Variants in SLC4A5 observed in about 807,000 individuals in gnomAD.
SLC4A5 encodes the protein electrogenic sodium bicarbonate cotransporter 4.
SLC4A5 carries 96 observed loss-of-function variants against 120.4 expected under a neutral mutation model. The observed-to-expected ratio is 0.80, with a 90% CI of 0.68 to 0.94. SLC4A5 has a LOEUF of 0.94. Ranked by LOEUF, SLC4A5 falls within the 40% of genes least tolerant of loss-of-function variation. The pLI, the probability that SLC4A5 is intolerant of heterozygous loss-of-function variation, is 0.00. For synonymous variants in SLC4A5, 550 were observed against 571.1 expected, an observed-to-expected ratio of 0.96 and a Z score of 0.53; for missense variants, 1,259 against 1,459.5, an observed-to-expected ratio of 0.86 and a Z score of 2.24.
intron 28 of SLC4A5, among the ~76,000 whole-genome samples, chr2:74,224,350 C>A (rs1384080097): frequency 6.6e-6 from 1 of 152,124 alleles, no homozygotes; most frequent in East Asian, 1.9e-4. Flanking sequence ...TGCCTCTTTC[C>A]CCATCTTTGT....
In SLC4A5 at chr2:74,235,589, C is replaced by T. The variant is rs541533913; in HGVS notation, c.2320-375G>A. Among the ~76,000 whole-genome samples, 3 of 152,302 alleles carry T rather than the reference C, an allele frequency of 2.0e-5. No individual in the cohort carries two copies. The East Asian group carries it at 5.8e-4, about 29-fold the overall frequency. On this transcript the variant is annotated intron_variant, in intron 21 of 30. Coordinates refer to ENST00000394019, the Ensembl canonical transcript of SLC4A5. The stretch of plus-strand genomic sequence containing the variant: ...GTATGACAGTCTGAACTGGGGCACC[C>T]AGCAGGTATGATGAGGGCAAGGGCT...
chr2:74,253,189 C>G, intron 14 of SLC4A5, 61 bp from the exon 15 acceptor site: 2 of 1,587,480 alleles, frequency 1.3e-6, no homozygotes, highest in Non-Finnish European at 1.7e-6. Flanking sequence ...TGCCTGGGAG[C>G]ATATCACATC....
chr2:74,222,798 T>A (rs1694698144), intron 29 of SLC4A5, 70 bp downstream of exon 29: 1 of 1,360,992 alleles, frequency 7.3e-7, no homozygotes, highest in Admixed American at 1.7e-5. Context: ...GAGTTACAGA[T>A]GAAAGTTCCT....
rs757970083 is a variant in SLC4A5, at chr2:74,285,949, G to A, written c.272-47C>T. 2.6e-6 allele frequency: 4 copies of A among 1,526,252 alleles called. No homozygotes were observed. In the South Asian group the frequency reaches 3.7e-5, roughly 14 times the overall value. The allele number at this position is 1,526,252 out of a possible 1,614,324, so 94.5% of individuals were successfully genotyped here. A position where few individuals can be genotyped will look rare whatever the true frequency, so the allele number is the denominator to read the frequency against. On this transcript the variant is annotated intron_variant, in intron 7 of 30. Transcript: ENST00000394019. ...TCTGCTGAGTGTCCCATGGAAGGCA[G>A]GAGGACCACAAGGCCAACAGAAATG...
chr2:74,245,348 A>G (rs557848815), intron 19 of SLC4A5, among the ~76,000 whole-genome samples: 8 of 152,098 alleles, frequency 5.3e-5, no homozygotes, highest in African/African-American at 1.9e-4. Context: ...AAATAAACAG[A>G]ATTTGGATTT....
At chr2:74,247,561 C>A (rs2103973950) in intron 18 of SLC4A5, among the ~76,000 whole-genome samples, 1 of 151,630 alleles carries the variant, frequency 6.6e-6, no homozygotes, top group Admixed American at 6.6e-5. Flanking sequence ...GTCACCCAGT[C>A]TGGACTGCAA....
At chr2:74,256,294 T>C (rs1670962874) in intron 12 of SLC4A5, among the ~76,000 whole-genome samples, 1 of 152,210 alleles carries the variant, frequency 6.6e-6, no homozygotes, top group African/African-American at 2.4e-5. Flanking sequence ...GATGGGAGTC[T>C]CAGTGCTTCT....
intron 5 of SLC4A5, among the ~76,000 whole-genome samples, chr2:74,322,465 G>A (rs1573103245): frequency 6.6e-6 from 1 of 152,132 alleles, no homozygotes; most frequent in African/African-American, 2.4e-5. Flanking sequence ...ATAAAATTAT[G>A]TAGAGGAATG....
intron 6 of SLC4A5, 25 bp from the exon 7 acceptor site, chr2:74,304,705 G>C (rs12991424): frequency 0.03 from 47,193 of 1,586,378 alleles, 870 homozygotes; most frequent in Non-Finnish European, 0.033. Context: ...CAAAAGACAG[G>C]GGAGGCAGGG....
At chr2:74,290,469 G>C in intron 7 of SLC4A5, 1 of 985,484 alleles carries the variant, frequency 1.0e-6, no homozygotes, top group Non-Finnish European at 1.2e-6. Flanking sequence ...GTGAAGGACT[G>C]GGGAGGTGGA....
intron 4 of SLC4A5, among the ~76,000 whole-genome samples, chr2:74,333,755 G>A (rs2104346989): frequency 1.3e-5 from 2 of 152,298 alleles, no homozygotes; most frequent in South Asian, 4.1e-4. Context: ...GACAGTGATG[G>A]CTGCTCACTG....
chr2:74,241,637 G>A (rs1476460331), intron 20 of SLC4A5, among the ~76,000 whole-genome samples: 2 of 151,406 alleles, frequency 1.3e-5, no homozygotes, highest in East Asian at 3.9e-4. Flanking sequence ...AGCTACTCAG[G>A]AGGCTGTGGC....
chr2:74,261,860 T>C (rs981166176), intron 11 of SLC4A5, among the ~76,000 whole-genome samples: 3 of 152,196 alleles, frequency 2.0e-5, no homozygotes, highest in Non-Finnish European at 4.4e-5. Flanking sequence ...AGGTACAGAC[T>C]AAGATAAAAA....
At chr2:74,228,731 C>CA (rs1221822233) in intron 25 of SLC4A5, among the ~76,000 whole-genome samples, 2 of 136,788 alleles carry the variant, frequency 1.5e-5, no homozygotes, top group African/African-American at 5.2e-5. Flanking sequence ...AGAAGCAGAA[C>CA]AAAAGTGTGT....
At chr2:74,230,142 G>A (rs1267477403) in intron 25 of SLC4A5, among the ~76,000 whole-genome samples, 2 of 152,110 alleles carry the variant, frequency 1.3e-5, no homozygotes, top group African/African-American at 4.8e-5. Flanking sequence ...GCCTGGTCAT[G>A]AGCTGTTTTG....
At chr2:74,237,412 T>C (rs1051678203) in intron 21 of SLC4A5, among the ~76,000 whole-genome samples, 3 of 152,182 alleles carry the variant, frequency 2.0e-5, no homozygotes, top group Non-Finnish European at 4.4e-5. Flanking sequence ...AATTTTTACA[T>C]AAGAGGAGAT....
rs72903229 is a variant in SLC4A5 at position 74,290,026 on chromosome 2, G to A, written c.272-4124C>T. 6.5e-3 allele frequency among the ~76,000 whole-genome samples: 992 copies of A among 152,208 alleles called. 11 individuals are homozygous for A. Among genetic ancestry groups the A allele is most frequent in the African/African-American group, 0.022 (925 of 41,534 alleles). ...CCCTAACCTGCCTTTCTAGGTTCTAGCATGTCCCTCACCCAGCCACCCCGA... is the reference window on the plus strand; with the variant it reads ...CCCTAACCTGCCTTTCTAGGTTCTAACATGTCCCTCACCCAGCCACCCCGA... On this transcript the variant is annotated intron_variant, in intron 7 of 30. Transcript: ENST00000394019.
At chr2:74,329,680 G>T (rs924221207) in intron 4 of SLC4A5, among the ~76,000 whole-genome samples, 17 of 151,660 alleles carry the variant, frequency 1.1e-4, no homozygotes, top group African/African-American at 4.1e-4. Flanking sequence ...AGACAGAGAT[G>T]ATGAGGTTCA....
At chr2:74,303,602 G>A (rs1340674772) in intron 7 of SLC4A5, among the ~76,000 whole-genome samples, 1 of 152,088 alleles carries the variant, frequency 6.6e-6, no homozygotes, top group Non-Finnish European at 1.5e-5. Flanking sequence ...TCTTTCCATA[G>A]GAAAGAGCAA....
Sources: gnomAD v4.1 joint callset for allele counts (sites outside exome capture counted in the v4.1 genomes callset) on GRCh38, gnomAD v4.1.1 for gene constraint, MANE v1.5 for transcripts, NCBI Gene and HGNC (gene_info 2026-07-23, HGNC 2026-07-21) for gene names.